Variants in SHISA9 observed in about 807,000 individuals in gnomAD.
The protein encoded by SHISA9 is shisa family member 9.
SHISA9 carries 13 observed loss-of-function variants against 38.0 expected under a neutral mutation model. That is an observed-to-expected ratio of 0.34 (90% CI 0.22 to 0.54). The LOEUF is 0.54. Ranked by LOEUF, SHISA9 falls within the 20% of genes least tolerant of loss-of-function variation. The pLI, the probability that SHISA9 is intolerant of heterozygous loss-of-function variation, is 0.91. For missense variants in SHISA9, 538 were observed against 575.8 expected, an observed-to-expected ratio of 0.93 and a Z score of 0.67; for synonymous variants, 275 against 242.0, an observed-to-expected ratio of 1.14 and a Z score of -1.27.
In SHISA9 at chr16:13,129,375, C is replaced by A. The variant is rs539339456; in HGVS notation, c.692-74019C>A. 5.9e-5 allele frequency among the ~76,000 whole-genome samples: 9 copies of A among 152,316 alleles called. No individual in the cohort carries two copies. In the East Asian group the frequency reaches 1.5e-3, roughly 26 times the overall value. On this transcript the variant is annotated intron_variant, in intron 2 of 4. Coordinates refer to ENST00000558583, the MANE Select transcript of SHISA9 (RefSeq NM_001145204.3). ...TCTGGCTCCACTATTCTCCTAAGTT[C>A]TTGGAGTCCTCCTCTAGGTCCTCTG...
intron 2 of SHISA9, among the ~76,000 whole-genome samples, chr16:13,166,063 G>T (rs2050632947): frequency 6.6e-6 from 1 of 152,180 alleles, no homozygotes; most frequent in Admixed American, 6.5e-5. Flanking sequence ...CCTGCTGTTT[G>T]CAGGAGATTA....
chr16:13,469,878 T>C, the SHISA9 span, among the ~76,000 whole-genome samples: 4 of 152,188 alleles, frequency 2.6e-5, no homozygotes, highest in African/African-American at 9.7e-5. Context: ...TCTTTTCAAC[T>C]AAAGAGTACA....
chr16:12,990,106 G>T (rs2072365089), intron 2 of SHISA9, among the ~76,000 whole-genome samples: 1 of 152,150 alleles, frequency 6.6e-6, no homozygotes, highest in African/African-American at 2.4e-5. Flanking sequence ...CAAAGGACGT[G>T]ATCTCATTTC....
intron 2 of SHISA9, among the ~76,000 whole-genome samples, chr16:12,975,002 C>T (rs181453045): frequency 1.6e-3 from 236 of 152,246 alleles, no homozygotes; most frequent in African/African-American, 5.2e-3. Context: ...TGTTAACCTA[C>T]ATGCACAATA....
intron 2 of SHISA9, among the ~76,000 whole-genome samples, chr16:12,973,405 G>A (rs568290975): frequency 1.0e-3 from 157 of 152,278 alleles, no homozygotes; most frequent in Middle Eastern, 0.01. Context: ...TGCTGCTTGG[G>A]AAGTGATTCT....
chr16:13,531,864 G>A, the SHISA9 span, among the ~76,000 whole-genome samples: 6 of 152,136 alleles, frequency 3.9e-5, no homozygotes, highest in Non-Finnish European at 8.8e-5. Context: ...CTAAATGAAA[G>A]CTATTAAAGA....
chr16:13,362,320 A>G, the SHISA9 span, among the ~76,000 whole-genome samples: 3 of 151,912 alleles, frequency 2.0e-5, no homozygotes, highest in Non-Finnish European at 4.4e-5. Flanking sequence ...CTGTAGTCCC[A>G]GCCACTTGGG....
intron 2 of SHISA9, among the ~76,000 whole-genome samples, chr16:13,009,252 C>T (rs989287132): frequency 6.6e-6 from 1 of 152,098 alleles, no homozygotes; most frequent in African/African-American, 2.4e-5. Flanking sequence ...CGACTCCAGG[C>T]AGTCTGGCTT....
At chr16:13,125,385 A>C (rs1327427987) in intron 2 of SHISA9, among the ~76,000 whole-genome samples, 1 of 152,170 alleles carries the variant, frequency 6.6e-6, no homozygotes, top group Non-Finnish European at 1.5e-5. Context: ...GGAGTGTCTC[A>C]AATCCTGGTT....
At chr16:13,285,662 T>TG in the SHISA9 span, among the ~76,000 whole-genome samples, 1 of 152,220 alleles carries the variant, frequency 6.6e-6, no homozygotes, top group East Asian at 1.9e-4. Flanking sequence ...TTAGAGTTTC[T>TG]GGGTTGGAAA....
At chr16:13,491,817 CCTTTTTTTT>C in the SHISA9 span, among the ~76,000 whole-genome samples, 10 of 46,926 alleles carry the variant, frequency 2.1e-4, no homozygotes, top group African/African-American at 8.6e-4. Context: ...TATTTATTGA[CCTTTTTTTT>C]TTTTTTTTTT....
chr16:13,416,743 A>AAAGAAAGG, the SHISA9 span, among the ~76,000 whole-genome samples: 3 of 113,524 alleles, frequency 2.6e-5, no homozygotes, highest in African/African-American at 9.8e-5. Flanking sequence ...AGAAAGAAAG[A>AAAGAAAGG]AAGGAAGGAA....
rs189694924 is a variant in SHISA9, at chr16:12,969,389, G to A, written c.691+52574G>A. The stretch of plus-strand genomic sequence containing the variant: ...CTGTCTGGGTGCTGATTATGCTATA[G>A]TGCTCACTTGGTGGAAATTCATCAC... On this transcript the variant is annotated intron_variant, in intron 2 of 4. Coordinates refer to ENST00000558583, the MANE Select transcript of SHISA9 (RefSeq NM_001145204.3). Among the ~76,000 whole-genome samples the A allele has an allele frequency of 8.0e-4, 119 of 149,544 alleles. 1 individual carries two copies. In the South Asian group the frequency reaches 0.011, roughly 14 times the overall value.
the SHISA9 span, among the ~76,000 whole-genome samples, chr16:13,444,904 G>GC: frequency 1.4e-5 from 2 of 147,468 alleles, no homozygotes; most frequent in Non-Finnish European, 1.5e-5. Flanking sequence ...TGCAACCTCT[G>GC]CCCCCCTGGG....
chr16:13,432,297 C>A, the SHISA9 span, among the ~76,000 whole-genome samples: 1 of 152,076 alleles, frequency 6.6e-6, no homozygotes, highest in Non-Finnish European at 1.5e-5. Flanking sequence ...GCCTGTTCCC[C>A]AGGAACACTG....
the SHISA9 span, among the ~76,000 whole-genome samples, chr16:13,469,369 G>GAAAGAAAGGAA: frequency 1.5e-5 from 1 of 66,658 alleles, no homozygotes; most frequent in South Asian, 6.1e-4. Context: ...AAAAGAAAAA[G>GAAAGAAAGGAA]AAAGAAAGAA....
chr16:13,347,091 T>A, the SHISA9 span, among the ~76,000 whole-genome samples: 3 of 152,232 alleles, frequency 2.0e-5, no homozygotes, highest in Non-Finnish European at 4.4e-5. Context: ...CTTATGTAGT[T>A]TCTTTTTAGT....
chr16:12,932,034 T>A (rs1468739479), intron 2 of SHISA9, among the ~76,000 whole-genome samples: 1 of 152,292 alleles, frequency 6.6e-6, no homozygotes, highest in Non-Finnish European at 1.5e-5. Context: ...ATGGGTTTTT[T>A]AATAAAGTGC....
chr16:13,489,801 A>G, the SHISA9 span, among the ~76,000 whole-genome samples: 2 of 152,230 alleles, frequency 1.3e-5, no homozygotes, highest in African/African-American at 4.8e-5. Flanking sequence ...AGATTCTATT[A>G]TCTTCATTAC....
Sources: allele counts gnomAD v4.1 joint callset (sites outside exome capture counted in the v4.1 genomes callset), GRCh38; gene constraint gnomAD v4.1.1; transcripts MANE v1.5; gene names NCBI Gene and HGNC (gene_info 2026-07-23, HGNC 2026-07-21).